HPCAL1: variants seen among roughly 807,000 people sequenced by gnomAD.
HPCAL1 encodes the protein hippocalcin-like protein 1.
HPCAL1 carries 8 observed loss-of-function variants against 17.1 expected under a neutral mutation model. The observed-to-expected ratio is 0.47, with a 90% CI of 0.27 to 0.84. HPCAL1 has a LOEUF of 0.84. Ranked by LOEUF, HPCAL1 falls within the 40% of genes least tolerant of loss-of-function variation. HPCAL1 has a pLI of 0.13. For missense variants in HPCAL1, 165 were observed against 271.1 expected, an observed-to-expected ratio of 0.61 and a Z score of 2.75; for synonymous variants, 112 against 111.4, an observed-to-expected ratio of 1.01 and a Z score of -0.03.
At chr2:10,366,991 C>T (rs1337598840) in intron 1 of HPCAL1, among the ~76,000 whole-genome samples, 5 of 152,104 alleles carry the variant, frequency 3.3e-5, no homozygotes, top group Admixed American at 2.0e-4. Flanking sequence ...GGGACAAAGA[C>T]GTTGGCTGGG....
At chr2:10,411,295 C>T (rs189853393) in intron 2 of HPCAL1, among the ~76,000 whole-genome samples, 1 of 152,274 alleles carries the variant, frequency 6.6e-6, no homozygotes, top group Non-Finnish European at 1.5e-5. Flanking sequence ...GAGGTGGGCT[C>T]TCCACTCAGA....
intron 1 of HPCAL1, among the ~76,000 whole-genome samples, chr2:10,380,913 G>C (rs889236863): frequency 1.3e-5 from 2 of 152,266 alleles, no homozygotes; most frequent in Non-Finnish European, 2.9e-5. Context: ...CACATAGTAG[G>C]AGTCCAATTA....
At chr2:10,325,276 C>T (rs1012549945) in intron 1 of HPCAL1, among the ~76,000 whole-genome samples, 3 of 152,210 alleles carry the variant, frequency 2.0e-5, no homozygotes, top group Non-Finnish European at 2.9e-5. Context: ...GCGATCCTCC[C>T]GACATCGTAA....
chr2:10,303,536 T>C (rs117162010), intron 1 of HPCAL1, among the ~76,000 whole-genome samples: 5,637 of 152,142 alleles, frequency 0.037, 140 homozygotes, highest in East Asian at 0.11. Flanking sequence ...TGGGTGTGGG[T>C]GGTCCAGCCC....
chr2:10,357,113 T>TA (rs923925242), intron 1 of HPCAL1, among the ~76,000 whole-genome samples: 1 of 151,018 alleles, frequency 6.6e-6, no homozygotes, highest in South Asian at 2.1e-4. Context: ...ACTCTGTGTC[T>TA]AAAAAAAAAG....
Position 10,362,930 on chromosome 2 carries a change from G to T in HPCAL1, c.-110-33905G>T, listed in dbSNP as rs193103781. Among the ~76,000 whole-genome samples, 2 of 152,206 alleles carry T rather than the reference G, an allele frequency of 1.3e-5. No individual in the cohort carries two copies. Among genetic ancestry groups the T allele is most frequent in the South Asian group, 4.1e-4 (2 of 4,824 alleles). On this transcript the variant is annotated intron_variant, in intron 1 of 4. Transcript: ENST00000307845. This position sits in a 1 kb window ranked among gnomAD's most constrained non-coding sequence, Gnocchi z 5.0. Reference sequence around the variant, plus strand: ...ACTGGGGAATCCCTGGCCCAGAGAGGGAAACTGGTTTTCCCAGAGTCACAC... The same window carrying T: ...ACTGGGGAATCCCTGGCCCAGAGAGTGAAACTGGTTTTCCCAGAGTCACAC...
intron 1 of HPCAL1, among the ~76,000 whole-genome samples, chr2:10,375,027 C>G (rs1246750359): frequency 6.6e-6 from 1 of 152,096 alleles, no homozygotes; most frequent in Non-Finnish European, 1.5e-5. Context: ...GAGCTGGGAG[C>G]CTGGAGGGGA....
intron 1 of HPCAL1, among the ~76,000 whole-genome samples, chr2:10,320,403 G>T (rs143972367): frequency 0.049 from 7,454 of 152,178 alleles, 611 homozygotes; most frequent in African/African-American, 0.17. Context: ...CACGAGATCT[G>T]GTTGTTTGAA....
chr2:10,407,828 C>T (rs965802345), intron 2 of HPCAL1, among the ~76,000 whole-genome samples: 2 of 152,200 alleles, frequency 1.3e-5, no homozygotes, highest in Non-Finnish European at 2.9e-5. Flanking sequence ...GATTCTCCTT[C>T]CCCCAGGAGC....
intron 1 of HPCAL1, among the ~76,000 whole-genome samples, chr2:10,325,517 C>G (rs936393255): frequency 6.6e-6 from 1 of 152,158 alleles, no homozygotes; most frequent in Non-Finnish European, 1.5e-5. Flanking sequence ...TGCCTCTCTG[C>G]TTGTCCCCAC....
chr2:10,353,045 A>G (rs1325774594), intron 1 of HPCAL1, among the ~76,000 whole-genome samples: 3 of 152,218 alleles, frequency 2.0e-5, no homozygotes. Flanking sequence ...TGACCAGGTT[A>G]GGGTAAGGGA....
intron 1 of HPCAL1, among the ~76,000 whole-genome samples, chr2:10,312,381 C>A (rs1170099275): frequency 2.2e-5 from 2 of 91,212 alleles, no homozygotes; most frequent in African/African-American, 7.2e-5. Flanking sequence ...TCACCACCGT[C>A]ATTGCTGTCA....
In HPCAL1 at chr2:10,426,757, C is replaced by T; in HGVS notation, c.518C>T (p.Ala173Val). 6.2e-7 allele frequency: 1 copy of T among 1,613,416 alleles called. No homozygotes were observed. ...KLSLEEFIRG[A>V]KSDPSIVRLL... ...TCCTTGGAAGAATTCATCAGAGGTGCCAAGAGCGACCCCTCCATCGTCCGC... is the reference window on the plus strand; with the variant it reads ...TCCTTGGAAGAATTCATCAGAGGTGTCAAGAGCGACCCCTCCATCGTCCGC... The change falls in exon 5 of 5, where the codon GCC becomes GTC. Residue 173 changes from alanine to valine, a missense_variant. Ala to Val is a moderately conservative substitution (Grantham distance 64, BLOSUM62 0). Coordinates refer to ENST00000307845, the MANE Select transcript of HPCAL1 (RefSeq NM_002149.4).
intron 3 of HPCAL1, among the ~76,000 whole-genome samples, chr2:10,421,331 G>C (rs1299866273): frequency 6.6e-6 from 1 of 152,232 alleles, no homozygotes; most frequent in African/African-American, 2.4e-5. Context: ...CACTTGGCCA[G>C]GTGCCTAGGT....
chr2:10,406,103 C>A (rs776696854), intron 2 of HPCAL1, among the ~76,000 whole-genome samples: 12 of 152,242 alleles, frequency 7.9e-5, no homozygotes, highest in Non-Finnish European at 1.6e-4. Flanking sequence ...CTCCTACAGT[C>A]ATGCTCCGCG....
At chr2:10,376,445 CTTT>C (rs70948886) in intron 1 of HPCAL1, among the ~76,000 whole-genome samples, 1 of 147,666 alleles carries the variant, frequency 6.8e-6, no homozygotes. Context: ...AAAAATCCCT[CTTT>C]TTTTTTTTTG....
At chr2:10,364,389 C>T (rs560581132) in intron 1 of HPCAL1, among the ~76,000 whole-genome samples, 3 of 152,230 alleles carry the variant, frequency 2.0e-5, no homozygotes, top group South Asian at 2.1e-4. Flanking sequence ...GAATGACTGC[C>T]GACATCAGGG....
Position 10,344,457 on chromosome 2 carries a change from C to T in HPCAL1, c.-111+41280C>T, listed in dbSNP as rs549062935. ...TCTGTTAAGCGCATGCACCAAGCGGCGATTCCATAGTTGTATAGTGATTGT... is the reference window on the plus strand; with the variant it reads ...TCTGTTAAGCGCATGCACCAAGCGGTGATTCCATAGTTGTATAGTGATTGT... On this transcript the variant is annotated intron_variant, in intron 1 of 4. Transcript: ENST00000307845. The surrounding 1 kb of genome is among the most constrained non-coding windows in gnomAD (Gnocchi z 4.9). 6.6e-6 allele frequency among the ~76,000 whole-genome samples: 1 copy of T among 152,270 alleles called. No individual in the cohort carries two copies. Among genetic ancestry groups the T allele is most frequent in the African/African-American group, 2.4e-5 (1 of 41,540 alleles).
intron 2 of HPCAL1, among the ~76,000 whole-genome samples, chr2:10,404,607 G>A (rs1669861185): frequency 6.6e-6 from 1 of 152,240 alleles, no homozygotes; most frequent in Non-Finnish European, 1.5e-5. Context: ...CCCATGCCCT[G>A]CAGGCGCTGA....
Sources: gnomAD v4.1 joint callset for allele counts (sites outside exome capture counted in the v4.1 genomes callset) on GRCh38, gnomAD v4.1.1 for gene constraint, Gnocchi (gnomAD v3.1) non-coding constraint, MANE v1.5 for transcripts, NCBI Gene and HGNC (gene_info 2026-07-23, HGNC 2026-07-21) for gene names.